The following ABHD12 variants were observed in gnomAD, a reference collection of about 807,000 sequenced individuals.
ABHD12 encodes the protein abhydrolase domain containing 12, lysophospholipase.
A neutral mutation model predicts 58.3 loss-of-function variants in ABHD12; 43 were observed. That is an observed-to-expected ratio of 0.74 (90% confidence interval 0.58 to 0.95). The LOEUF (loss-of-function observed/expected upper bound fraction) is 0.95, where lower values mean the gene tolerates loss of function less well. ABHD12 is among the 40% of genes least tolerant of loss of function. The pLI is 0.00. For missense variants in ABHD12, 539 were observed against 537.2 expected (o/e 1.00, Z -0.03); for synonymous variants, 219 against 211.2 (o/e 1.04, Z -0.32).
chr20:25,299,143 C>G (rs949413375), downstream of ABHD12, among the ~76,000 whole-genome samples: 7 of 152,214 alleles, frequency 4.6e-5, no homozygotes, highest in African/African-American at 1.4e-4. Flanking sequence ...TGGCTCATGC[C>G]TATAATCCCA....
intron 4 of ABHD12, among the ~76,000 whole-genome samples, chr20:25,319,345 CT>C (rs2089022891): frequency 6.6e-6 from 1 of 152,262 alleles, no homozygotes; most frequent in Admixed American, 6.5e-5. Context: ...GGAAAAGCAT[CT>C]GAGATAAAAC....
intron 1 of ABHD12, among the ~76,000 whole-genome samples, chr20:25,341,890 G>A (rs2089459121): frequency 6.6e-6 from 1 of 152,030 alleles, no homozygotes; most frequent in Non-Finnish European, 1.5e-5. Flanking sequence ...CCTATGCTTG[G>A]ATCATCTGCT....
At chr20:25,301,601 C>CT (rs1206930270) in intron 12 of ABHD12, among the ~76,000 whole-genome samples, 1 of 152,244 alleles carries the variant, frequency 6.6e-6, no homozygotes, top group African/African-American at 2.4e-5. Flanking sequence ...CCTGTGTCCT[C>CT]TGACAGGCAG....
intron 1 of ABHD12, among the ~76,000 whole-genome samples, chr20:25,373,076 GC>G (rs1214242392): frequency 6.6e-6 from 1 of 152,152 alleles, no homozygotes; most frequent in Non-Finnish European, 1.5e-5. Flanking sequence ...GGAGCAATAG[GC>G]CTTACCACAT....
At chr20:25,378,572 C>T (rs528487657) in intron 1 of ABHD12, among the ~76,000 whole-genome samples, 1 of 152,234 alleles carries the variant, frequency 6.6e-6, no homozygotes, top group South Asian at 2.1e-4. Context: ...TCTGAACTAC[C>T]ACATCAAAAT....
intron 1 of ABHD12, among the ~76,000 whole-genome samples, chr20:25,353,946 C>A (rs1004248692): frequency 2.0e-5 from 3 of 152,202 alleles, no homozygotes; most frequent in Non-Finnish European, 4.4e-5. Context: ...GTCTCCCCTG[C>A]CGCTGACATT....
intron 1 of ABHD12, among the ~76,000 whole-genome samples, chr20:25,358,624 A>G (rs115772789): frequency 0.011 from 1,653 of 152,308 alleles, 26 homozygotes; most frequent in African/African-American, 0.035. Flanking sequence ...AAGAGGCAAC[A>G]AAGGTACAAA....
At chr20:25,322,381 A>ATATATATATATATATTTTTTTT in intron 3 of ABHD12, among the ~76,000 whole-genome samples, 67 of 59,240 alleles carry the variant, frequency 1.1e-3, no homozygotes, top group Non-Finnish European at 1.7e-3. Flanking sequence ...ATATATATAT[A>ATATATATATATATATTTTTTTT]TTTTTTTTTT....
Position 25,390,711 on chromosome 20 carries a change from C to T in ABHD12, c.-8G>A. On this transcript the variant is annotated 5_prime_UTR_variant, in exon 1 of 13. Transcript: ENST00000339157. ...CTCGGTCCGCTTCCTCATCCCGCGG[C>T]CGACAGGGCCAGCCGCCGACGGCGC... 1 of 1,366,394 alleles carries T rather than the reference C, an allele frequency of 7.3e-7. No homozygotes were observed. Among genetic ancestry groups the T allele is most frequent in the Non-Finnish European group, 9.5e-7 (1 of 1,058,152 alleles). 84.6% of individuals were successfully genotyped at this position (1,366,394 alleles called of 1,614,324 possible).
chr20:25,349,537 T>C (rs1568750475), intron 1 of ABHD12, among the ~76,000 whole-genome samples: 1 of 152,226 alleles, frequency 6.6e-6, no homozygotes, highest in Non-Finnish European at 1.5e-5. Flanking sequence ...GATGAATGGA[T>C]ACACATGCAA....
chr20:25,310,198 ACCT>A (rs1179413715), intron 6 of ABHD12: 2 of 153,414 alleles, frequency 1.3e-5, no homozygotes, highest in Non-Finnish European at 2.9e-5. Flanking sequence ...CTGGACACCA[ACCT>A]CCTCAACGCC....
At chr20:25,296,282 G>A (rs945710611), downstream of ABHD12, 27 of 1,522,632 alleles carry the variant, frequency 1.8e-5, no homozygotes, top group African/African-American at 1.6e-4. Flanking sequence ...AGCTCATTTG[G>A]AAACAGTCCT....
chr20:25,389,773 A>G (rs2090144110), intron 1 of ABHD12, among the ~76,000 whole-genome samples: 1 of 152,224 alleles, frequency 6.6e-6, no homozygotes, highest in African/African-American at 2.4e-5. Flanking sequence ...GATTTCAAGT[A>G]CCACGAACCA....
chr20:25,389,639 T>C (rs2090142229), intron 1 of ABHD12, among the ~76,000 whole-genome samples: 1 of 152,150 alleles, frequency 6.6e-6, no homozygotes, highest in Admixed American at 6.5e-5. Context: ...CCATCTCAGT[T>C]TTGAAAGTGG....
chr20:25,320,381 T>C, intron 3 of ABHD12, 63 bp from the exon 4 acceptor site: 6 of 1,604,358 alleles, frequency 3.7e-6, no homozygotes, highest in South Asian at 2.2e-5. Flanking sequence ...TCCTGGCGAC[T>C]GCACGTGGTG....
rs151189209 is a variant in ABHD12 at position 25,354,575 on chromosome 20, T to C, written c.192-15224A>G. Among the ~76,000 whole-genome samples, 401 of 152,252 alleles carry C rather than the reference T, an allele frequency of 2.6e-3. 2 individuals are homozygous for C. The highest frequency in any genetic ancestry group is 9.1e-3 in the African/African-American group (378 of 41,556). On this transcript the variant is annotated intron_variant, in intron 1 of 12. Coordinates refer to ENST00000339157, the MANE Select transcript of ABHD12 (RefSeq NM_001042472.3). ...GCTTGTGTACAAGATGCACTGTCCA[T>C]TGGAACTGGACACAGCCCATCTTTC... is the stretch of plus-strand genomic sequence containing the variant.
chr20:25,301,956 C>T (rs994746360), intron 12 of ABHD12, among the ~76,000 whole-genome samples: 3 of 152,188 alleles, frequency 2.0e-5, no homozygotes, highest in Non-Finnish European at 4.4e-5. Flanking sequence ...CACCTGTGAG[C>T]GTGTGTGCCC....
At chr20:25,324,240 CT>C (rs947222652) in intron 2 of ABHD12, among the ~76,000 whole-genome samples, 4 of 152,132 alleles carry the variant, frequency 2.6e-5, no homozygotes, top group African/African-American at 9.7e-5. Context: ...GGTAGCCCCA[CT>C]TTGTTATTGT....
chr20:25,379,601 T>C (rs1282281556), intron 1 of ABHD12, among the ~76,000 whole-genome samples: 1 of 152,208 alleles, frequency 6.6e-6, no homozygotes, highest in Admixed American at 6.5e-5. Context: ...ATGCCGTCCA[T>C]CTTCTCCTCT....
Sources: allele counts gnomAD v4.1 joint callset (sites outside exome capture counted in the v4.1 genomes callset), GRCh38; gene constraint gnomAD v4.1.1; transcripts MANE v1.5; gene names NCBI Gene and HGNC (gene_info 2026-07-23, HGNC 2026-07-21).